The following GALNTL6 variants were observed in gnomAD, a reference collection of about 807,000 sequenced individuals.
GALNTL6 encodes polypeptide N-acetylgalactosaminyltransferase-like 6.
GALNTL6 carries 46 observed loss-of-function variants against 73.7 expected under a neutral mutation model. That is an observed-to-expected ratio of 0.62 (90% CI 0.49 to 0.80). The LOEUF (loss-of-function observed/expected upper bound fraction) is 0.80, where lower values mean the gene tolerates loss of function less well. Among genes scored for constraint, GALNTL6 ranks in the 30% least tolerant of loss-of-function variants. The pLI is 0.00. For synonymous variants in GALNTL6, 259 were observed against 263.7 expected (o/e 0.98, Z 0.17); for missense variants, 604 against 755.0 (o/e 0.80, Z 2.34).
rs554986923 is a variant in GALNTL6 at position 172,450,672 on chromosome 4, A to G, written c.553+101983A>G. ...CACCAACCTCATTCCTTTTCTCTCC[A>G]TCATCACAGAAGGTGCCTGCCATAC... On this transcript the variant is annotated intron_variant, in intron 5 of 12. Transcript: ENST00000506823. Among the ~76,000 whole-genome samples the G allele has an allele frequency of 1.1e-4, 16 of 152,220 alleles. No homozygotes were observed. In the South Asian group the frequency reaches 2.9e-3, roughly 28 times the overall value.
At chr4:171,837,054 G>A (rs1024126514) in intron 2 of GALNTL6, among the ~76,000 whole-genome samples, 1 of 152,090 alleles carries the variant, frequency 6.6e-6, no homozygotes. Flanking sequence ...AGGAATATTG[G>A]CAGACACCAC....
chr4:172,326,218 T>A (rs1740935467), intron 4 of GALNTL6, among the ~76,000 whole-genome samples: 1 of 152,008 alleles, frequency 6.6e-6, no homozygotes, highest in African/African-American at 2.4e-5. Context: ...TAATTCTATG[T>A]TTATAAAAAG....
intron 5 of GALNTL6, among the ~76,000 whole-genome samples, chr4:172,761,095 A>T (rs1416045546): frequency 6.6e-6 from 1 of 152,194 alleles, no homozygotes; most frequent in Non-Finnish European, 1.5e-5. Flanking sequence ...TAGAGAAACT[A>T]AGAATAGGCC....
chr4:172,454,636 A>G (rs1416027065), intron 5 of GALNTL6, among the ~76,000 whole-genome samples: 1 of 152,176 alleles, frequency 6.6e-6, no homozygotes, highest in East Asian at 1.9e-4. Flanking sequence ...CATAGAATAA[A>G]CTTGTCACTG....
At chr4:172,861,318 C>CGTGTGTGTGTGTGT (rs772337885) in intron 7 of GALNTL6, among the ~76,000 whole-genome samples, 9 of 140,886 alleles carry the variant, frequency 6.4e-5, no homozygotes, top group South Asian at 2.3e-4. Context: ...TTTTTGCTTA[C>CGTGTGTGTGTGTGT]ATGTGTGTGT....
chr4:172,594,170 C>T (rs575756749), intron 5 of GALNTL6, among the ~76,000 whole-genome samples: 2 of 151,974 alleles, frequency 1.3e-5, no homozygotes, highest in Non-Finnish European at 1.5e-5. Context: ...GATGGTGAAA[C>T]CCCATCTCTA....
At chr4:172,812,759 T>G (rs900056524) in intron 6 of GALNTL6, among the ~76,000 whole-genome samples, 2 of 152,248 alleles carry the variant, frequency 1.3e-5, no homozygotes, top group African/African-American at 4.8e-5. Flanking sequence ...TTAATTTCCC[T>G]AATCTTACCT....
At chr4:172,621,010 A>G (rs1261127028) in intron 5 of GALNTL6, among the ~76,000 whole-genome samples, 1 of 152,202 alleles carries the variant, frequency 6.6e-6, no homozygotes, top group African/African-American at 2.4e-5. Context: ...CATTAATAAG[A>G]TGCCCTCTGT....
intron 4 of GALNTL6, among the ~76,000 whole-genome samples, chr4:172,346,287 G>A (rs1053643458): frequency 1.3e-5 from 2 of 152,318 alleles, no homozygotes; most frequent in Non-Finnish European, 2.9e-5. Context: ...TCGTTTTGAC[G>A]TCTCAACAGT....
At chr4:171,906,912 G>C (rs143734664) in intron 2 of GALNTL6, among the ~76,000 whole-genome samples, 3,320 of 152,224 alleles carry the variant, frequency 0.022, 94 homozygotes, top group African/African-American at 0.07. Context: ...TACCTCAATA[G>C]ATGCAGAAAA....
chr4:172,541,478 A>C (rs28801192), intron 5 of GALNTL6, among the ~76,000 whole-genome samples: 32,687 of 152,112 alleles, frequency 0.21, 4,217 homozygotes, highest in African/African-American at 0.36. Flanking sequence ...CAACTAGGGC[A>C]TAAGACAGAG....
At chr4:172,261,296 C>G (rs1208130648) in intron 3 of GALNTL6, among the ~76,000 whole-genome samples, 3 of 151,354 alleles carry the variant, frequency 2.0e-5, no homozygotes, top group East Asian at 1.9e-4. Context: ...TGTTATAGGT[C>G]TGTTCATAGT....
intron 7 of GALNTL6, among the ~76,000 whole-genome samples, chr4:172,870,092 T>C (rs1434426504): frequency 6.6e-6 from 1 of 151,246 alleles, no homozygotes; most frequent in Non-Finnish European, 1.5e-5. Flanking sequence ...ATCATCATCA[T>C]CAGGTGTTTA....
chr4:172,290,743 A>G (rs1009505843), intron 3 of GALNTL6, among the ~76,000 whole-genome samples: 1 of 151,884 alleles, frequency 6.6e-6, no homozygotes, highest in African/African-American at 2.4e-5. Flanking sequence ...TAAAATATTT[A>G]TCATATCATA....
chr4:172,244,199 A>T (rs967022425), intron 3 of GALNTL6, among the ~76,000 whole-genome samples: 1 of 152,166 alleles, frequency 6.6e-6, no homozygotes, highest in East Asian at 1.9e-4. Context: ...CACTCATTGC[A>T]TAATAATGAA....
chr4:172,370,630 C>CAAAA (rs71592072), intron 5 of GALNTL6, among the ~76,000 whole-genome samples: 1,693 of 59,758 alleles, frequency 0.028, 96 homozygotes, highest in African/African-American at 0.099. Context: ...GACTCCATCT[C>CAAAA]AAAAAAAAAA....
At chr4:172,478,049 A>G (rs907153522) in intron 5 of GALNTL6, among the ~76,000 whole-genome samples, 3 of 152,208 alleles carry the variant, frequency 2.0e-5, no homozygotes, top group South Asian at 2.1e-4. Context: ...AGTTCATTCC[A>G]AAAGAGGCAG....
At chr4:172,718,233 G>T (rs1735228582) in intron 5 of GALNTL6, among the ~76,000 whole-genome samples, 1 of 152,160 alleles carries the variant, frequency 6.6e-6, no homozygotes, top group Non-Finnish European at 1.5e-5. Flanking sequence ...GAGTGAAGAT[G>T]TTAATATTTT....
At chr4:172,493,762 G>GA (rs1207985802) in intron 5 of GALNTL6, among the ~76,000 whole-genome samples, 1 of 152,170 alleles carries the variant, frequency 6.6e-6, no homozygotes, top group Non-Finnish European at 1.5e-5. Context: ...AGTATTGCCA[G>GA]AAATGCAATT....
Sources: gnomAD v4.1 joint callset for allele counts (sites outside exome capture counted in the v4.1 genomes callset) on GRCh38, gnomAD v4.1.1 for gene constraint, MANE v1.5 for transcripts, NCBI Gene and HGNC (gene_info 2026-07-23, HGNC 2026-07-21) for gene names.